RSPO2: variants seen among roughly 807,000 people sequenced by gnomAD.
RSPO2 encodes R-spondin 2, also known as R-spondin-2.
A neutral mutation model predicts 30.9 loss-of-function variants in RSPO2; 14 were observed. That is an observed-to-expected ratio of 0.45 (90% confidence interval 0.30 to 0.71). The LOEUF is 0.71. Among genes scored for constraint, RSPO2 ranks in the 30% least tolerant of loss-of-function variants. RSPO2 has a pLI of 0.08. For missense variants in RSPO2, 264 were observed against 301.9 expected (o/e 0.87, Z 0.93); for synonymous variants, 107 against 96.4 (o/e 1.11, Z -0.64).
intron 2 of RSPO2, among the ~76,000 whole-genome samples, chr8:107,989,766 T>C (rs1356248798): frequency 1.3e-5 from 2 of 152,198 alleles, no homozygotes; most frequent in Non-Finnish European, 2.9e-5. Context: ...ATTATCATTG[T>C]AGCATGGGGG....
At chr8:107,969,372 G>A (rs1396837899) in intron 3 of RSPO2, among the ~76,000 whole-genome samples, 1 of 152,094 alleles carries the variant, frequency 6.6e-6, no homozygotes, top group Non-Finnish European at 1.5e-5. Flanking sequence ...TATTTAACTT[G>A]AAGTGTCACA....
At chr8:107,912,381 T>A (rs1165945646) in intron 5 of RSPO2, among the ~76,000 whole-genome samples, 2 of 152,102 alleles carry the variant, frequency 1.3e-5, no homozygotes, top group Admixed American at 6.6e-5. Flanking sequence ...TGGACTCCCT[T>A]CCCTGGGATC....
chr8:107,901,006 GGAGTGGAGAGTA>G lies in RSPO2; in HGVS notation c.*57_*68del. On this transcript the variant is annotated 3_prime_UTR_variant, in exon 6 of 6. Transcript: ENST00000276659. ...CACAAAGGCTGCACACCAGTGTGCA[GGAGTGGAGAGTA>G]GCTTTGTGCACATTTGCAAAAACAA... 1 of 1,541,470 alleles carries G rather than the reference GGAGTGGAGAGTA, an allele frequency of 6.5e-7. No individual in the cohort carries two copies. The highest frequency in any genetic ancestry group is 1.8e-5 in the Admixed American group (1 of 56,930).
intron 2 of RSPO2, among the ~76,000 whole-genome samples, chr8:107,994,393 T>C (rs895903081): frequency 6.6e-6 from 1 of 152,126 alleles, no homozygotes; most frequent in Non-Finnish European, 1.5e-5. Context: ...TATTTACTTT[T>C]TTTTTCCAAA....
At chr8:108,020,654 T>G (rs1378250213) in intron 2 of RSPO2, among the ~76,000 whole-genome samples, 2 of 152,216 alleles carry the variant, frequency 1.3e-5, no homozygotes, top group African/African-American at 4.8e-5. Flanking sequence ...TTTACAAACA[T>G]TTATGATTAC....
intron 2 of RSPO2, among the ~76,000 whole-genome samples, chr8:108,059,956 A>G (rs1812396377): frequency 6.6e-6 from 1 of 151,436 alleles, no homozygotes; most frequent in African/African-American, 2.4e-5. Flanking sequence ...TACATATGTA[A>G]CAAACCTGCA....
chr8:107,985,611 T>C (rs2130514753), intron 3 of RSPO2, among the ~76,000 whole-genome samples: 1 of 152,338 alleles, frequency 6.6e-6, no homozygotes, highest in East Asian at 1.9e-4. Context: ...TAACTGTTGT[T>C]ATCTTTGAGA....
At chr8:108,029,776 G>T (rs1258588710) in intron 2 of RSPO2, among the ~76,000 whole-genome samples, 1 of 152,164 alleles carries the variant, frequency 6.6e-6, no homozygotes, top group African/African-American at 2.4e-5. Context: ...TGAGAAGAGG[G>T]TATCGACAGG....
chr8:108,054,593 TAGAC>T (rs1812184626), intron 2 of RSPO2, among the ~76,000 whole-genome samples: 1 of 152,176 alleles, frequency 6.6e-6, no homozygotes, highest in Non-Finnish European at 1.5e-5. Flanking sequence ...AGGATTTTGA[TAGAC>T]AGTGTTCTCT....
rs556832123 is a variant in RSPO2, at chr8:107,909,630, A to T, written c.617-8440T>A. On this transcript the variant is annotated intron_variant, in intron 5 of 5. Transcript: ENST00000276659. ...CATTTTGCAAGGAAGGCAAAGAAGCACTGAAGACAATATTACCCTGACTGA... is the reference window on the plus strand; with the variant it reads ...CATTTTGCAAGGAAGGCAAAGAAGCTCTGAAGACAATATTACCCTGACTGA... 2.0e-5 allele frequency among the ~76,000 whole-genome samples: 3 copies of T among 152,284 alleles called. No homozygotes were observed. In the South Asian group the frequency reaches 6.2e-4, roughly 32 times the overall value.
Position 107,934,678 on chromosome 8 carries a change from C to T in RSPO2, c.616+23402G>A, listed in dbSNP as rs535147525. 7.9e-5 allele frequency among the ~76,000 whole-genome samples: 12 copies of T among 152,142 alleles called. No individual in the cohort carries two copies. In the South Asian group the frequency reaches 2.1e-3, roughly 26 times the overall value. ...TGAGCCACCATGCCTGGCCCTGTTG[C>T]GGGAAGTCAGAGACCCCAAACGGAG... On this transcript the variant is annotated intron_variant, in intron 5 of 5. Transcript: ENST00000276659.
chr8:107,998,879 C>G (rs1424076704), intron 2 of RSPO2, among the ~76,000 whole-genome samples: 1 of 152,038 alleles, frequency 6.6e-6, no homozygotes, highest in Admixed American at 6.5e-5. Context: ...GAAACCCTGT[C>G]TCTACTAAAA....
chr8:108,000,505 GC>G (rs1193991686), intron 2 of RSPO2, among the ~76,000 whole-genome samples: 3 of 152,014 alleles, frequency 2.0e-5, no homozygotes, highest in Non-Finnish European at 4.4e-5. Flanking sequence ...CACATCAATA[GC>G]AAGGCAAGAT....
chr8:107,928,134 A>AT (rs1812443751), intron 5 of RSPO2, among the ~76,000 whole-genome samples: 1 of 152,152 alleles, frequency 6.6e-6, no homozygotes, highest in South Asian at 2.1e-4. Context: ...AGTATTCTTA[A>AT]TAACCTTAAG....
intron 2 of RSPO2, among the ~76,000 whole-genome samples, chr8:108,001,723 A>T (rs1815254347): frequency 6.6e-6 from 1 of 152,144 alleles, no homozygotes; most frequent in South Asian, 2.1e-4. Context: ...AGTTCTAGAA[A>T]ATAAGCCACC....
chr8:107,938,533 C>G (rs554556264), intron 5 of RSPO2, among the ~76,000 whole-genome samples: 1 of 152,114 alleles, frequency 6.6e-6, no homozygotes, highest in Admixed American at 6.6e-5. Context: ...GCCCATCAAC[C>G]AAGTCGATTA....
intron 3 of RSPO2, among the ~76,000 whole-genome samples, chr8:107,963,574 T>TATGACAC (rs567152630): frequency 2.0e-3 from 271 of 138,968 alleles, no homozygotes; most frequent in African/African-American, 7.1e-3. Flanking sequence ...ATATATATAG[T>TATGACAC]ATGACACAAT....
intron 5 of RSPO2, among the ~76,000 whole-genome samples, chr8:107,937,135 C>A (rs1182389400): frequency 7.0e-6 from 1 of 143,268 alleles, no homozygotes; most frequent in Non-Finnish European, 1.5e-5. Flanking sequence ...TAGTTTAAGT[C>A]TTTAATCCAT....
chr8:108,047,875 CA>C (rs963353031), intron 2 of RSPO2, among the ~76,000 whole-genome samples: 5 of 150,272 alleles, frequency 3.3e-5, no homozygotes, highest in Middle Eastern at 3.5e-3. Context: ...AAAAAAGCAG[CA>C]GCAGCAGCCT....
Sources: allele counts gnomAD v4.1 joint callset (sites outside exome capture counted in the v4.1 genomes callset), GRCh38; gene constraint gnomAD v4.1.1; transcripts MANE v1.5; gene names NCBI Gene and HGNC (gene_info 2026-07-23, HGNC 2026-07-21).